Variants in PDE1C observed in about 807,000 individuals in gnomAD.
PDE1C encodes the protein phosphodiesterase 1C.
A neutral mutation model predicts 93.1 loss-of-function variants in PDE1C; 62 were observed. The observed-to-expected ratio is 0.67, with a 90% confidence interval of 0.54 to 0.82. The LOEUF is 0.82. Ranked by LOEUF, PDE1C falls within the 40% of genes least tolerant of loss-of-function variation. PDE1C has a pLI of 0.00. For missense variants in PDE1C, 742 were observed against 884.6 expected (o/e 0.84, Z 2.04); for synonymous variants, 325 against 310.1 (o/e 1.05, Z -0.50).
chr7:31,697,033 C>A, the PDE1C span: 1 of 1,614,002 alleles, frequency 6.2e-7, no homozygotes, highest in Non-Finnish European at 8.5e-7. Context: ...CAAAATGATC[C>A]CTGTTCTTCA....
chr7:31,750,230 G>A (rs1459806899), downstream of PDE1C, among the ~76,000 whole-genome samples: 1 of 152,138 alleles, frequency 6.6e-6, no homozygotes, highest in Non-Finnish European at 1.5e-5. Flanking sequence ...GTCTCAGGGA[G>A]GTTGTGGGAG....
intron 3 of PDE1C, among the ~76,000 whole-genome samples, chr7:32,161,465 A>T (rs1350632085): frequency 6.6e-6 from 1 of 152,206 alleles, no homozygotes; most frequent in Non-Finnish European, 1.5e-5. Context: ...GTAAGTCTAC[A>T]GGTTGTGTAC....
At chr7:31,877,946 G>A in intron 5 of PDE1C, 24 bp downstream of exon 5, 3 of 1,546,464 alleles carry the variant, frequency 1.9e-6, no homozygotes, top group Non-Finnish European at 2.7e-6. Flanking sequence ...CATGTACATT[G>A]TAAAATCTTT....
the PDE1C span, among the ~76,000 whole-genome samples, chr7:31,738,380 G>A: frequency 2.0e-5 from 3 of 152,214 alleles, no homozygotes; most frequent in Admixed American, 2.0e-4. Context: ...CACGGTGGCA[G>A]GCAAGAGCGC....
intron 2 of PDE1C, among the ~76,000 whole-genome samples, chr7:31,943,412 A>G (rs1163706637): frequency 6.6e-6 from 1 of 152,128 alleles, no homozygotes; most frequent in East Asian, 1.9e-4. Flanking sequence ...GTTCTACTGG[A>G]AGTTTTGTTC....
intron 4 of PDE1C, among the ~76,000 whole-genome samples, chr7:31,878,697 A>G (rs1156928069): frequency 6.6e-6 from 1 of 152,188 alleles, no homozygotes; most frequent in African/African-American, 2.4e-5. Context: ...TCATCCACCT[A>G]TTTCAAAAGA....
At chr7:31,734,346 C>T in the PDE1C span, among the ~76,000 whole-genome samples, 1 of 152,154 alleles carries the variant, frequency 6.6e-6, no homozygotes, top group East Asian at 1.9e-4. Context: ...TGGCAACCTG[C>T]AAAAGCCACA....
chr7:32,009,753 T>C (rs182368860), intron 2 of PDE1C, among the ~76,000 whole-genome samples: 2 of 152,222 alleles, frequency 1.3e-5, no homozygotes, highest in Admixed American at 1.3e-4. Flanking sequence ...ACTGTCTTTA[T>C]TTACAAACAA....
intron 17 of PDE1C, among the ~76,000 whole-genome samples, chr7:31,762,463 C>CT (rs1794894221): frequency 6.6e-6 from 1 of 152,154 alleles, no homozygotes; most frequent in Admixed American, 6.6e-5. Context: ...CCTCAGCCTC[C>CT]TGAGTAGCTG....
chr7:32,166,521 C>A (rs1160947089), intron 3 of PDE1C, among the ~76,000 whole-genome samples: 2 of 152,142 alleles, frequency 1.3e-5, no homozygotes, highest in Non-Finnish European at 2.9e-5. Flanking sequence ...CAGCACTGCC[C>A]AACCAGGAAG....
chr7:31,912,731 C>A (rs1431972711), intron 2 of PDE1C, among the ~76,000 whole-genome samples: 1 of 151,796 alleles, frequency 6.6e-6, no homozygotes, highest in East Asian at 1.9e-4. Flanking sequence ...TGGCTTGTGG[C>A]ATGGGGAATT....
At chr7:31,848,438 G>A (rs183916695) in intron 8 of PDE1C, among the ~76,000 whole-genome samples, 43 of 152,154 alleles carry the variant, frequency 2.8e-4, no homozygotes, top group Non-Finnish European at 2.8e-4. Context: ...TTTCTGGAAT[G>A]ACATTTATTT....
chr7:31,756,201 G>C (rs1396616186), intron 17 of PDE1C, among the ~76,000 whole-genome samples: 2 of 152,058 alleles, frequency 1.3e-5, no homozygotes. Flanking sequence ...AGACAAAAGA[G>C]TAACTTTATA....
intron 1 of PDE1C, among the ~76,000 whole-genome samples, chr7:32,334,372 C>A (rs916432956): frequency 6.6e-6 from 1 of 152,070 alleles, no homozygotes; most frequent in African/African-American, 2.4e-5. Context: ...AAATTGACTT[C>A]TTTTGCCTCA....
chr7:32,128,912 T>C (rs1420282545), intron 3 of PDE1C, among the ~76,000 whole-genome samples: 1 of 27,702 alleles, frequency 3.6e-5, no homozygotes, highest in East Asian at 1.1e-3. Flanking sequence ...AACAAATATA[T>C]ATATATATAT....
At chr7:31,800,530 A>G (rs1051387929) in intron 16 of PDE1C, among the ~76,000 whole-genome samples, 23 of 151,666 alleles carry the variant, frequency 1.5e-4, no homozygotes, top group South Asian at 1.2e-3. Context: ...CTTTATTAAA[A>G]ATAAATAGTC....
chr7:31,684,685 T>C, the PDE1C span, among the ~76,000 whole-genome samples: 3 of 152,240 alleles, frequency 2.0e-5, no homozygotes, highest in South Asian at 4.1e-4. Context: ...TAATTAGTCA[T>C]GCACAGAATG....
intron 3 of PDE1C, among the ~76,000 whole-genome samples, chr7:32,076,457 A>G (rs1584710754): frequency 6.6e-6 from 1 of 152,050 alleles, no homozygotes; most frequent in African/African-American, 2.4e-5. Flanking sequence ...CCTGGCCAAG[A>G]TGGCAAAACC....
At chr7:32,313,375 C>T (rs900789330) in intron 1 of PDE1C, among the ~76,000 whole-genome samples, 3 of 151,428 alleles carry the variant, frequency 2.0e-5, no homozygotes, top group Admixed American at 2.0e-4. Context: ...ACTAGAAATA[C>T]CATTTGACTC....
Sources: allele counts gnomAD v4.1 joint callset (sites outside exome capture counted in the v4.1 genomes callset), GRCh38; gene constraint gnomAD v4.1.1; transcripts MANE v1.5; gene names NCBI Gene and HGNC (gene_info 2026-07-23, HGNC 2026-07-21).